The following DNMT1 variants were observed in gnomAD, a reference collection of about 807,000 sequenced individuals.
DNMT1 encodes the protein DNA (cytosine-5)-methyltransferase 1.
Under a neutral mutation model 205.3 loss-of-function variants are expected in DNMT1, and 24 were observed. The ratio of observed to expected loss-of-function variants is 0.12; its 90% confidence interval spans 0.08 to 0.16. The LOEUF (loss-of-function observed/expected upper bound fraction) is 0.16, where lower values mean the gene tolerates loss of function less well. Among genes scored for constraint, DNMT1 ranks in the 10% least tolerant of loss-of-function variants. The pLI, the probability that DNMT1 is intolerant of heterozygous loss-of-function variation, is 1.00. For synonymous variants in DNMT1, 817 were observed against 839.8 expected, an observed-to-expected ratio of 0.97 and a Z score of 0.47; for missense variants, 1,293 against 2,177.7, an observed-to-expected ratio of 0.59 and a Z score of 8.09.
rs572561799 is a variant in DNMT1 at position 10,141,816 on chromosome 19, G to C, written c.3309+212C>G. The C allele has an allele frequency of 7.8e-4, 465 of 593,686 alleles. 1 individual carries two copies. The highest frequency in any genetic ancestry group is 2.3e-4 in the Non-Finnish European group (78 of 337,916). 36.8% of individuals were successfully genotyped at this position (593,686 alleles called of 1,614,324 possible). A position where few individuals can be genotyped will look rare whatever the true frequency, so the allele number is the denominator to read the frequency against. On this transcript the variant is annotated intron_variant, in intron 30 of 40. Transcript: ENST00000359526. ...TTAAAAACCAGGAGTGTTAAACTCC[G>C]GGACCACTTGAATCTCATACAACTT... is the stretch of plus-strand genomic sequence containing the variant.
chr19:10,186,838 C>CAA lies in DNMT1; in HGVS notation c.81-4763_81-4762dup, dbSNP rs35238334. ...GGACAACAAGAGTGAAACTCCGTCT[C>CAA]AAAAAAAAAAAAAAAAAAAAAGATA... On this transcript the variant is annotated intron_variant, in intron 1 of 40. Transcript: ENST00000359526. Among the ~76,000 whole-genome samples the CAA allele has an allele frequency of 9.6e-4, 68 of 70,616 alleles. 1 individual carries two copies. The highest frequency in any genetic ancestry group is 7.8e-3 in the Middle Eastern group (1 of 128). The allele number at this position is 70,616 out of a possible 152,430, so 46.3% of individuals were successfully genotyped here. A position where few individuals can be genotyped will look rare whatever the true frequency, so the allele number is the denominator to read the frequency against.
intron 7 of DNMT1, 53 bp from the exon 8 acceptor site, chr19:10,173,958 A>C (rs2038880529): frequency 1.3e-6 from 2 of 1,551,540 alleles, no homozygotes; most frequent in Non-Finnish European, 1.8e-6. Flanking sequence ...TTTCAAGGGA[A>C]GGTCAACACC....
At position 10,151,912 on chromosome 19, in the gene DNMT1, T is replaced by C; in HGVS notation, c.2020-65A>G. ...CAGTGGTTCATGCCTGTAATCCCAG[T>C]ATTTCAGAAGGCCGAGGCAGGCAGA... is the stretch of plus-strand genomic sequence containing the variant. On this transcript the variant is annotated intron_variant, in intron 22 of 40. Coordinates refer to ENST00000359526, the MANE Select transcript of DNMT1 (RefSeq NM_001130823.3). The surrounding 1 kb of genome is among the most constrained non-coding windows in gnomAD (Gnocchi z 5.0). 1 of 1,509,864 alleles carries C rather than the reference T, an allele frequency of 6.6e-7. No homozygotes were observed. Among genetic ancestry groups the C allele is most frequent in the Non-Finnish European group, 9.2e-7 (1 of 1,086,638 alleles). The allele number at this position is 1,509,864 out of a possible 1,614,324, so 93.5% of individuals were successfully genotyped here.
intron 28 of DNMT1, among the ~76,000 whole-genome samples, chr19:10,145,398 T>G (rs762252433): frequency 4.2e-4 from 64 of 152,190 alleles, no homozygotes; most frequent in Admixed American, 1.0e-3. Flanking sequence ...TTCTCATAAT[T>G]CACAGTAACT....
At chr19:10,161,032 C>T (rs968966305) in intron 13 of DNMT1, among the ~76,000 whole-genome samples, 3 of 151,732 alleles carry the variant, frequency 2.0e-5, no homozygotes, top group African/African-American at 7.3e-5. Flanking sequence ...CAGGGCCGGG[C>T]GCGATGGCTC....
At chr19:10,143,416 G>A (rs1040161786) in intron 29 of DNMT1, among the ~76,000 whole-genome samples, 19 of 150,156 alleles carry the variant, frequency 1.3e-4, no homozygotes, top group Non-Finnish European at 2.2e-4. Flanking sequence ...TAGGGCCGGG[G>A]TCTCACTACG....
chr19:10,181,985 C>T (rs906355665), intron 2 of DNMT1, 56 bp downstream of exon 2: 97 of 1,499,752 alleles, frequency 6.5e-5, no homozygotes, highest in Non-Finnish European at 8.1e-5. Flanking sequence ...TTTTTATGAG[C>T]CACAAAGTGT....
At chr19:10,191,451 T>C (rs972749012) in intron 1 of DNMT1, among the ~76,000 whole-genome samples, 1 of 151,134 alleles carries the variant, frequency 6.6e-6, no homozygotes, top group African/African-American at 2.4e-5. Context: ...CCTCCAAAAC[T>C]CCAATGCCTA....
rs898269491 is a variant in DNMT1, at chr19:10,138,314, CCGTGTGGCAGGGCAG to C, written c.4115+110_4115+124del. 28 of 1,454,744 alleles carry C rather than the reference CCGTGTGGCAGGGCAG, an allele frequency of 1.9e-5. No individual in the cohort carries two copies. In the Middle Eastern group the frequency reaches 7.4e-4, roughly 39 times the overall value. 90.1% of individuals were successfully genotyped at this position (1,454,744 alleles called of 1,614,324 possible). A position where few individuals can be genotyped will look rare whatever the true frequency, so the allele number is the denominator to read the frequency against. On this transcript the variant is annotated intron_variant, in intron 35 of 40. Transcript: ENST00000359526. The surrounding 1 kb of genome is among the most constrained non-coding windows in gnomAD (Gnocchi z 4.1). ...TGGCAGAGTGCCATGTGGCAGAGCA[CCGTGTGGCAGGGCAG>C]ATGCTGTACCATCCTCTCCTCCCCA...
intron 1 of DNMT1, among the ~76,000 whole-genome samples, chr19:10,190,125 C>T (rs961269379): frequency 2.0e-5 from 3 of 152,090 alleles, no homozygotes; most frequent in South Asian, 2.1e-4. Flanking sequence ...TCAGTAGTAG[C>T]CAAGGAACTG....
chr19:10,176,163 G>A (rs964422364), intron 6 of DNMT1, among the ~76,000 whole-genome samples: 1 of 129,964 alleles, frequency 7.7e-6, no homozygotes, highest in Non-Finnish European at 1.8e-5. Context: ...GCAAGACTCC[G>A]TATCAAAAAA....
Position 10,140,026 on chromosome 19 carries a change from G to A in DNMT1, c.3806+20C>T, listed in dbSNP as rs1286708013. 25 of 1,605,114 alleles carry A rather than the reference G, an allele frequency of 1.6e-5. No individual in the cohort carries two copies. Among genetic ancestry groups the A allele is most frequent in the East Asian group, 2.2e-5 (1 of 44,894 alleles). On this transcript the variant is annotated intron_variant, in intron 33 of 40. Coordinates refer to ENST00000359526, the MANE Select transcript of DNMT1 (RefSeq NM_001130823.3). This position sits in a 1 kb window ranked among gnomAD's most constrained non-coding sequence, Gnocchi z 8.4. Reference sequence around the variant, plus strand: ...AGCCCCGGGCCGTCTGGCAACACTGGGGGGCTTCTACCCGTTTACCTGAGG... The same window carrying A: ...AGCCCCGGGCCGTCTGGCAACACTGAGGGGCTTCTACCCGTTTACCTGAGG...
intron 28 of DNMT1, 177 bp from the exon 29 acceptor site, chr19:10,144,164 C>T: frequency 2.9e-6 from 2 of 692,686 alleles, no homozygotes; most frequent in Non-Finnish European, 5.1e-6. Context: ...AATCCCAGCA[C>T]TTTGGGAGAC....
intron 1 of DNMT1, among the ~76,000 whole-genome samples, chr19:10,185,139 T>C (rs2039153452): frequency 6.6e-6 from 1 of 152,156 alleles, no homozygotes; most frequent in South Asian, 2.1e-4. Context: ...AAGACCATTC[T>C]GTAGGGCCGG....
intron 10 of DNMT1, among the ~76,000 whole-genome samples, chr19:10,167,133 C>T (rs1203659917): frequency 6.6e-6 from 1 of 152,118 alleles, no homozygotes; most frequent in African/African-American, 2.4e-5. Flanking sequence ...GGGTATTCTG[C>T]CCACCTCTGG....
Position 10,156,238 on chromosome 19 carries a change from G to GC in DNMT1, c.1399+152dup, listed in dbSNP as rs1318416908. Among the ~76,000 whole-genome samples, 4 of 151,368 alleles carry GC rather than the reference G, an allele frequency of 2.6e-5. No individual in the cohort carries two copies. Among genetic ancestry groups the GC allele is most frequent in the African/African-American group, 9.7e-5 (4 of 41,168 alleles). The stretch of plus-strand genomic sequence containing the variant: ...ATATATTTTTTTTTAATAGAGGCAG[G>GC]CTCTTGCTATGTTGTCCAGGCTCGT... On this transcript the variant is annotated intron_variant, in intron 18 of 40. Transcript: ENST00000359526. This position sits in a 1 kb window ranked among gnomAD's most constrained non-coding sequence, Gnocchi z 4.2.
intron 9 of DNMT1, among the ~76,000 whole-genome samples, chr19:10,170,683 C>G (rs989852879): frequency 6.6e-6 from 1 of 152,176 alleles, no homozygotes; most frequent in African/African-American, 2.4e-5. Context: ...TTAGTTGATT[C>G]CCCAATGGAC....
chr19:10,146,317 G>A lies in DNMT1; in HGVS notation c.2894+34C>T, dbSNP rs761302276. 12 of 1,611,422 alleles carry A rather than the reference G, an allele frequency of 7.4e-6. No individual in the cohort carries two copies. Among genetic ancestry groups the A allele is most frequent in the Admixed American group, 3.4e-5 (2 of 59,628 alleles). ...AAGCCAGCCTGGCTCAGCCTGGAGC[G>A]CCCTGGCCCCGGCTGCTCCGAGGGG... On this transcript the variant is annotated intron_variant, in intron 28 of 40. Transcript: ENST00000359526. This position sits in a 1 kb window ranked among gnomAD's most constrained non-coding sequence, Gnocchi z 4.4.
At position 10,155,015 on chromosome 19, in the gene DNMT1, C is replaced by A. The variant is rs753794138; in HGVS notation, c.1534G>T (p.Ala512Ser). The A allele has an allele frequency of 1.2e-4, 201 of 1,614,034 alleles. No individual in the cohort carries two copies. Among genetic ancestry groups the A allele is most frequent in the Non-Finnish European group, 1.6e-4 (194 of 1,180,052 alleles). Residue 512 changes from alanine to serine, a missense_variant, in exon 20 of 41, where the codon GCG becomes TCG. This residue lies in a region of DNMT1 where 120 missense variants were observed against 315.9 expected (regional missense o/e 0.38). Transcript: ENST00000359526. ...TCCTGCATCAGCCCAAATATGGGCG[C>A]ATACTCGGGACTGGGATCCATCAGA... ...YILMDPSPEY[A>S]PIFGLMQEKI... is the part of the protein sequence containing the mutation.
Sources: allele counts gnomAD v4.1 joint callset (sites outside exome capture counted in the v4.1 genomes callset), GRCh38; gene constraint gnomAD v4.1.1; regional missense constraint gnomAD v4.1.1; non-coding constraint Gnocchi (gnomAD v3.1); transcripts MANE v1.5; gene names NCBI Gene and HGNC (gene_info 2026-07-23, HGNC 2026-07-21).